Variants in MED12L observed in about 807,000 individuals in gnomAD.
The protein encoded by MED12L is mediator of RNA polymerase II transcription subunit 12-like protein.
MED12L carries 60 observed loss-of-function variants against 281.3 expected under a neutral mutation model. The observed-to-expected ratio is 0.21, with a 90% CI of 0.17 to 0.26. The LOEUF is 0.26. MED12L is among the 10% of genes least tolerant of loss of function. The probability of loss-of-function intolerance (pLI) is 1.00; values close to 1 mark genes in which losing one functional copy is unlikely to be tolerated. For missense variants in MED12L, 2,146 were observed against 2,680.9 expected (o/e 0.80, Z 4.41); for synonymous variants, 974 against 987.2 (o/e 0.99, Z 0.25).
intron 20 of MED12L, among the ~76,000 whole-genome samples, chr3:151,359,984 T>C (rs1170475065): frequency 6.6e-6 from 1 of 152,184 alleles, no homozygotes; most frequent in African/African-American, 2.4e-5. Flanking sequence ...TAGGGGAATG[T>C]ATACATGCAT....
At chr3:151,327,980 A>G (rs1354757464) in intron 16 of MED12L, 5 of 1,525,042 alleles carry the variant, frequency 3.3e-6, no homozygotes, top group South Asian at 1.3e-5. Context: ...AGTTAACCCT[A>G]TGTACAGTTG....
chr3:151,380,673 T>C (rs186214300), intron 32 of MED12L, among the ~76,000 whole-genome samples: 138 of 151,992 alleles, frequency 9.1e-4, no homozygotes, highest in Middle Eastern at 3.5e-3. Context: ...CCATGCCTTA[T>C]TCTTCTACCT....
chr3:151,254,705 T>C (rs1053702054), intron 16 of MED12L, among the ~76,000 whole-genome samples: 3 of 152,242 alleles, frequency 2.0e-5, no homozygotes, highest in Non-Finnish European at 4.4e-5. Flanking sequence ...TAGATGCTTC[T>C]TAGCATTACA....
At chr3:151,213,594 C>T in intron 16 of MED12L, 1 of 1,614,170 alleles carries the variant, frequency 6.2e-7, no homozygotes, top group Non-Finnish European at 8.5e-7. Flanking sequence ...AGACAAAAAA[C>T]ACAAACACGA....
In MED12L at chr3:151,199,173, C is replaced by T. The variant is rs777389820; in HGVS notation, c.2250+5507C>T. ...CAAGGTGCCACACCCAAGTCAACAA[C>T]AATTTTCACTGGTAATGCCAGAGTA... On this transcript the variant is annotated intron_variant, in intron 16 of 44. Transcript: ENST00000687756. 15 of 1,614,044 alleles carry T rather than the reference C, an allele frequency of 9.3e-6. No homozygotes were observed. Among genetic ancestry groups the T allele is most frequent in the African/African-American group, 6.7e-5 (5 of 74,924 alleles).
At chr3:151,121,927 T>C (rs926268624) in intron 3 of MED12L, among the ~76,000 whole-genome samples, 4 of 152,078 alleles carry the variant, frequency 2.6e-5, no homozygotes, top group African/African-American at 9.7e-5. Flanking sequence ...TTGGCCAGGC[T>C]GGTCTCGAAC....
Position 151,365,145 on chromosome 3 carries a change from C to T in MED12L, c.3124C>T (p.Arg1042Cys), listed in dbSNP as rs866960428. The change falls in exon 22 of 45, where the codon CGC becomes TGC. Residue 1042 changes from arginine to cysteine, a missense_variant. By Grantham distance (180) the Arg-to-Cys change is radical. Around this residue, in one of 9 missense-constraint regions of MED12L, gnomAD observed 404 missense variants for 603.5 expected, o/e 0.67. Coordinates refer to ENST00000687756, the MANE Select transcript of MED12L (RefSeq NM_001393769.1). ...GKILSDNAAN[R>C]YSFVCNTLMN... The stretch of plus-strand genomic sequence containing the variant: ...GATCCTCAGTGACAATGCGGCCAAT[C>T]GCTACAGCTTTGTCTGCAATACACT... The T allele has an allele frequency of 6.2e-7, 1 of 1,614,038 alleles. No individual in the cohort carries two copies. Among genetic ancestry groups the T allele is most frequent in the Non-Finnish European group, 8.5e-7 (1 of 1,179,932 alleles).
intron 16 of MED12L, chr3:151,270,241 G>GTGTGTGTGTGTGTGTGT (rs1247181043): frequency 6.4e-6 from 1 of 157,022 alleles, no homozygotes; most frequent in Non-Finnish European, 1.4e-5. Context: ...GTGTGTGTGT[G>GTGTGTGTGTGTGTGTGT]TTTTCTTTTG....
chr3:151,416,880 G>A (rs1167069036), intron 43 of MED12L, among the ~76,000 whole-genome samples: 1 of 152,154 alleles, frequency 6.6e-6, no homozygotes, highest in African/African-American at 2.4e-5. Context: ...GAGTTTTCAT[G>A]TAACTCACAG....
At chr3:151,293,624 T>G (rs1171452758) in intron 16 of MED12L, among the ~76,000 whole-genome samples, 2 of 42,956 alleles carry the variant, frequency 4.7e-5, no homozygotes, top group African/African-American at 1.6e-4. Flanking sequence ...CACACGGTCC[T>G]AAAATGAAGC....
rs141002201 is a variant in MED12L, at chr3:151,307,440, A to C, written c.2251-42619A>C. ...GGTGCTACACTGATGTTCTGTTCTC[A>C]TAGTTTTGCTGGTACATGTAGCTTA... is the stretch of plus-strand genomic sequence containing the variant. On this transcript the variant is annotated intron_variant, in intron 16 of 44. Coordinates refer to ENST00000687756, the MANE Select transcript of MED12L (RefSeq NM_001393769.1). Among the ~76,000 whole-genome samples the C allele has an allele frequency of 9.2e-3, 1,396 of 152,174 alleles. 11 individuals are homozygous for C. The highest frequency in any genetic ancestry group is 0.023 in the South Asian group (112 of 4,824).
intron 16 of MED12L, chr3:151,213,502 A>G (rs1727550408): frequency 1.9e-6 from 3 of 1,614,128 alleles, no homozygotes; most frequent in Non-Finnish European, 2.5e-6. Flanking sequence ...ATACCGCAAG[A>G]TTTCTTTTGA....
At chr3:151,224,825 C>T (rs1433671119) in intron 16 of MED12L, among the ~76,000 whole-genome samples, 12 of 152,134 alleles carry the variant, frequency 7.9e-5, no homozygotes, top group Admixed American at 7.9e-4. Flanking sequence ...TCATTGATTT[C>T]CCCTTATTGA....
At chr3:151,178,603 T>C (rs1472030185) in intron 11 of MED12L, among the ~76,000 whole-genome samples, 1 of 152,212 alleles carries the variant, frequency 6.6e-6, no homozygotes, top group Non-Finnish European at 1.5e-5. Context: ...CCACGAGTTA[T>C]GTTGTGGGAA....
intron 16 of MED12L, among the ~76,000 whole-genome samples, chr3:151,247,477 T>TTACA (rs1559933960): frequency 6.6e-6 from 1 of 151,228 alleles, no homozygotes; most frequent in African/African-American, 2.4e-5. Context: ...ATGGATGAAA[T>TTACA]TGGAAATCAT....
chr3:151,404,012 A>G (rs981362250), intron 39 of MED12L, among the ~76,000 whole-genome samples: 3 of 152,184 alleles, frequency 2.0e-5, no homozygotes, highest in Admixed American at 6.5e-5. Context: ...GAGACAGCTT[A>G]TGTTTGCTAT....
At position 151,086,898 on chromosome 3, in the gene MED12L, A is replaced by C; in HGVS notation, c.-29A>C. ...GGCGGCTGCTCCAGCTCCAACTCTC[A>C]TTCATTTCGCCGGTTAACATGAGAG... On this transcript the variant is annotated 5_prime_UTR_variant, in exon 2 of 45. Coordinates refer to ENST00000687756, the MANE Select transcript of MED12L (RefSeq NM_001393769.1). 2 of 1,549,968 alleles carry C rather than the reference A, an allele frequency of 1.3e-6. No homozygotes were observed. Among genetic ancestry groups the C allele is most frequent in the South Asian group, 2.4e-5 (2 of 84,386 alleles).
chr3:151,175,455 C>G (rs2149029014), intron 11 of MED12L, among the ~76,000 whole-genome samples: 1 of 152,248 alleles, frequency 6.6e-6, no homozygotes, highest in South Asian at 2.1e-4. Context: ...TTAGCTGTTG[C>G]TGATAGTAAT....
At chr3:151,377,216 T>C in intron 30 of MED12L, 38 bp downstream of exon 30, 1 of 1,545,038 alleles carries the variant, frequency 6.5e-7, no homozygotes, top group Non-Finnish European at 8.8e-7. Context: ...TGTCATGAAT[T>C]TTTCACAAGT....
Sources: allele counts gnomAD v4.1 joint callset (sites outside exome capture counted in the v4.1 genomes callset), GRCh38; gene constraint gnomAD v4.1.1; regional missense constraint gnomAD v4.1.1; transcripts MANE v1.5; gene names NCBI Gene and HGNC (gene_info 2026-07-23, HGNC 2026-07-21).